IMMP2L: variants seen among roughly 807,000 people sequenced by gnomAD.
IMMP2L encodes the protein mitochondrial inner membrane protease subunit 2.
In IMMP2L, 18 loss-of-function variants were observed where a neutral mutation model predicts 19.3. The ratio of observed to expected loss-of-function variants is 0.93; its 90% CI spans 0.64 to 1.38. IMMP2L has a LOEUF of 1.38. IMMP2L is among the 40% of genes most tolerant of loss of function. IMMP2L has a pLI of 0.00. For missense variants in IMMP2L, 233 were observed against 218.2 expected (o/e 1.07, Z -0.43); for synonymous variants, 76 against 73.0 (o/e 1.04, Z -0.21).
chr7:110,738,316 C>A (rs1046626295), intron 5 of IMMP2L, among the ~76,000 whole-genome samples: 2 of 152,064 alleles, frequency 1.3e-5, no homozygotes, highest in Admixed American at 1.3e-4. Context: ...ACACATTATA[C>A]AGGATATGAA....
intron 5 of IMMP2L, among the ~76,000 whole-genome samples, chr7:110,845,299 T>C (rs1360158936): frequency 2.0e-5 from 3 of 152,116 alleles, no homozygotes; most frequent in Non-Finnish European, 4.4e-5. Flanking sequence ...TTAATTTATT[T>C]TTGTTCCTGA....
At chr7:111,116,192 G>A (rs1412292478) in intron 3 of IMMP2L, among the ~76,000 whole-genome samples, 1 of 152,138 alleles carries the variant, frequency 6.6e-6, no homozygotes, top group Non-Finnish European at 1.5e-5. Context: ...ACTCATCTGA[G>A]CCCTATATCC....
At chr7:110,984,769 G>T (rs2058420) in intron 3 of IMMP2L, among the ~76,000 whole-genome samples, 102,683 of 151,858 alleles carry the variant, frequency 0.68, 35,558 homozygotes, top group African/African-American at 0.81. Context: ...AAGTATGATC[G>T]TGCATCTTAA....
chr7:111,510,338 G>A (rs917045579), intron 2 of IMMP2L, among the ~76,000 whole-genome samples: 4 of 151,976 alleles, frequency 2.6e-5, no homozygotes, highest in Non-Finnish European at 4.4e-5. Flanking sequence ...CTGCGGCATC[G>A]TGTCCTCAAC....
In IMMP2L at chr7:110,949,715, T is replaced by C. The variant is rs1817601179; in HGVS notation, c.305+13785A>G. Among the ~76,000 whole-genome samples the C allele has an allele frequency of 2.0e-5, 3 of 152,156 alleles. No homozygotes were observed. In the South Asian group the frequency reaches 6.2e-4, roughly 31 times the overall value. ...TGTCTGTCTTTTTAAAGAGAAAGTATGCTGATCTCTGCTGCAGAGACAAGA... is the reference window on the plus strand; with the variant it reads ...TGTCTGTCTTTTTAAAGAGAAAGTACGCTGATCTCTGCTGCAGAGACAAGA... On this transcript the variant is annotated intron_variant, in intron 4 of 5. Coordinates refer to ENST00000405709, the MANE Select transcript of IMMP2L (RefSeq NM_032549.4).
chr7:111,361,984 A>G (rs138470467), intron 3 of IMMP2L, among the ~76,000 whole-genome samples: 15 of 152,262 alleles, frequency 9.9e-5, no homozygotes, highest in Non-Finnish European at 1.6e-4. Context: ...GTTGACATGT[A>G]AAAATTTTCA....
chr7:110,881,341 T>C (rs570441497), intron 5 of IMMP2L, among the ~76,000 whole-genome samples: 1 of 152,220 alleles, frequency 6.6e-6, no homozygotes, highest in Admixed American at 6.5e-5. Flanking sequence ...GCATGTGAGG[T>C]TGCCAGGTTC....
At chr7:110,872,233 T>C (rs117761874) in intron 5 of IMMP2L, among the ~76,000 whole-genome samples, 2,958 of 152,258 alleles carry the variant, frequency 0.019, 52 homozygotes, top group Non-Finnish European at 0.027. Flanking sequence ...CCAATACATA[T>C]TCTAAACACT....
At chr7:110,800,553 T>C (rs188867985) in intron 5 of IMMP2L, among the ~76,000 whole-genome samples, 111 of 152,208 alleles carry the variant, frequency 7.3e-4, no homozygotes, top group Middle Eastern at 3.4e-3. Flanking sequence ...TGAGAAGTTA[T>C]AAGAAGAAGG....
intron 1 of IMMP2L, among the ~76,000 whole-genome samples, chr7:111,553,749 A>G (rs1790940678): frequency 6.6e-6 from 1 of 152,208 alleles, no homozygotes; most frequent in South Asian, 2.1e-4. Flanking sequence ...TATCATCAAA[A>G]TGCTCGTGAT....
intron 3 of IMMP2L, among the ~76,000 whole-genome samples, chr7:111,036,176 AGATC>A (rs1791332424): frequency 1.3e-5 from 2 of 152,178 alleles, no homozygotes; most frequent in African/African-American, 2.4e-5. Flanking sequence ...ACAAATCTCT[AGATC>A]TAGTTCACTG....
chr7:111,308,380 T>C (rs540363672), intron 3 of IMMP2L, among the ~76,000 whole-genome samples: 2 of 152,078 alleles, frequency 1.3e-5, no homozygotes, highest in African/African-American at 4.8e-5. Flanking sequence ...ATTGGTGATG[T>C]AGGAATCTGG....
intron 3 of IMMP2L, among the ~76,000 whole-genome samples, chr7:111,039,678 G>T (rs375595059): frequency 6.6e-6 from 1 of 151,982 alleles, no homozygotes; most frequent in South Asian, 2.1e-4. Flanking sequence ...AACAAAAACC[G>T]TCCAGTTTTA....
intron 5 of IMMP2L, among the ~76,000 whole-genome samples, chr7:110,882,065 G>A (rs1270097846): frequency 2.6e-5 from 4 of 151,968 alleles, no homozygotes; most frequent in Non-Finnish European, 1.5e-5. Flanking sequence ...CCTTGAGAGT[G>A]GGGATTAGAC....
At chr7:110,799,655 A>G (rs2131201610) in intron 5 of IMMP2L, among the ~76,000 whole-genome samples, 1 of 152,188 alleles carries the variant, frequency 6.6e-6, no homozygotes, top group South Asian at 2.1e-4. Flanking sequence ...CTGGAAGAAA[A>G]GATCAAAGAT....
At chr7:111,345,200 A>G (rs778799810) in intron 3 of IMMP2L, among the ~76,000 whole-genome samples, 1 of 152,164 alleles carries the variant, frequency 6.6e-6, no homozygotes, top group Non-Finnish European at 1.5e-5. Flanking sequence ...GGCAAATCTA[A>G]TATTACTAAA....
intron 3 of IMMP2L, among the ~76,000 whole-genome samples, chr7:111,199,451 A>G (rs1232868263): frequency 6.6e-6 from 1 of 152,150 alleles, no homozygotes; most frequent in East Asian, 1.9e-4. Flanking sequence ...TGAAAACACT[A>G]AAAGAAGCCA....
chr7:110,882,287 G>GCCTGCCTTCCTTCCTT (rs1387853201), intron 5 of IMMP2L, among the ~76,000 whole-genome samples: 2 of 122,184 alleles, frequency 1.6e-5, no homozygotes, highest in African/African-American at 6.6e-5. Flanking sequence ...TTTGTCAAGT[G>GCCTGCCTTCCTTCCTT]CCTTCCTTCC....
At chr7:111,314,400 G>A (rs2130351674) in intron 3 of IMMP2L, among the ~76,000 whole-genome samples, 1 of 152,164 alleles carries the variant, frequency 6.6e-6, no homozygotes, top group East Asian at 1.9e-4. Flanking sequence ...GGTTAGACAG[G>A]CAAAAGGTGA....
Sources: gnomAD v4.1 joint callset for allele counts (sites outside exome capture counted in the v4.1 genomes callset) on GRCh38, gnomAD v4.1.1 for gene constraint, MANE v1.5 for transcripts, NCBI Gene and HGNC (gene_info 2026-07-23, HGNC 2026-07-21) for gene names.